The following CYP2R1 variants were observed in gnomAD, a reference collection of about 807,000 sequenced individuals.
The protein encoded by CYP2R1 is vitamin D 25-hydroxylase.
In CYP2R1, 40 loss-of-function variants were observed where a neutral mutation model predicts 45.7. The ratio of observed to expected loss-of-function variants is 0.87; its 90% CI spans 0.68 to 1.14. The LOEUF is 1.14. Ranked by LOEUF, CYP2R1 falls within the 50% of genes most tolerant of loss-of-function variation. The probability of loss-of-function intolerance (pLI) is 0.00; values close to 1 mark genes in which losing one functional copy is unlikely to be tolerated. For missense variants in CYP2R1, 605 were observed against 602.6 expected, an observed-to-expected ratio of 1.00 and a Z score of -0.04; for synonymous variants, 234 against 219.3, an observed-to-expected ratio of 1.07 and a Z score of -0.59.
intron 1 of CYP2R1, chr11:14,891,595 G>C (rs1848858051): frequency 9.4e-7 from 1 of 1,058,788 alleles, no homozygotes; most frequent in East Asian, 9.1e-5. Flanking sequence ...AGCTTCCACA[G>C]AGCTGCGAGG....
intron 2 of CYP2R1, among the ~76,000 whole-genome samples, 187 bp downstream of exon 2, chr11:14,885,589 A>G (rs1848583014): frequency 6.6e-6 from 1 of 152,214 alleles, no homozygotes; most frequent in African/African-American, 2.4e-5. Context: ...CAATAGAATT[A>G]GCAATGTACT....
In CYP2R1 at chr11:14,892,143, C is replaced by T; in HGVS notation, c.63G>A (p.Leu21=). 1 of 1,611,412 alleles carries T rather than the reference C, an allele frequency of 6.2e-7. No homozygotes were observed. The highest frequency in any genetic ancestry group is 8.5e-7 in the Non-Finnish European group (1 of 1,179,750). The change falls in exon 1 of 5, where the codon CTG becomes CTA. Residue 21 remains leucine, a synonymous_variant. Coordinates refer to ENST00000334636, the MANE Select transcript of CYP2R1 (RefSeq NM_024514.5). ...GCTGGCGGACCCCTAGCGCGAAGAG[C>T]AGCAGGAAGAGCGCGCCGCCGAGCG... ...AAALGGALFL[L]LFALGVRQLL... is the part of the protein sequence containing the mutation.
intron 2 of CYP2R1, among the ~76,000 whole-genome samples, chr11:14,881,429 C>G (rs1311312604): frequency 6.6e-6 from 1 of 152,092 alleles, no homozygotes; most frequent in Non-Finnish European, 1.5e-5. Context: ...GAAATTTTCT[C>G]CCTTAAATTA....
chr11:14,878,408 G>C (rs1555010508), intron 4 of CYP2R1, 111 bp from the exon 5 acceptor site: 1 of 1,036,392 alleles, frequency 9.6e-7, no homozygotes, highest in Non-Finnish European at 1.4e-6. Flanking sequence ...CAAAGAAAGA[G>C]GGAACTATGT....
chr11:14,880,163 A>G lies in CYP2R1; in HGVS notation c.973T>C (p.Phe325Leu), dbSNP rs782483896. The change falls in exon 3 of 5, where the codon TTC becomes CTC. Residue 325 changes from phenylalanine (F) to leucine (L), a missense_variant. Physicochemically the swap from Phe to Leu is conservative, Grantham distance 22. Transcript: ENST00000334636. ...TGAATATTAGGATAAAGGGCCATGA[A>G]AAGAATCGCCCACCGTAGCACATTG... ...TTNVLRWAIL[F>L]MALYPNIQGQ... is the part of the protein sequence containing the mutation. 1 of 1,612,786 alleles carries G rather than the reference A, an allele frequency of 6.2e-7. No homozygotes were observed. The highest frequency in any genetic ancestry group is 1.1e-5 in the South Asian group (1 of 91,044).
At chr11:14,884,960 G>T (rs1555013894) in intron 2 of CYP2R1, among the ~76,000 whole-genome samples, 2 of 151,642 alleles carry the variant, frequency 1.3e-5, no homozygotes, top group African/African-American at 4.8e-5. Flanking sequence ...TTATACTCTG[G>T]CCTGAGAATT....
chr11:14,881,705 T>C (rs1555012372), intron 2 of CYP2R1, among the ~76,000 whole-genome samples: 1 of 152,100 alleles, frequency 6.6e-6, no homozygotes. Flanking sequence ...CCCTACTTGC[T>C]CTGTTGCTAC....
At chr11:14,891,594 A>G in intron 1 of CYP2R1, 1 of 1,049,820 alleles carries the variant, frequency 9.5e-7, no homozygotes, top group East Asian at 9.3e-5. Flanking sequence ...CAGCTTCCAC[A>G]GAGCTGCGAG....
At chr11:14,886,205 T>C (rs1298707808) in intron 1 of CYP2R1, 22 of 396,120 alleles carry the variant, frequency 5.6e-5, no homozygotes, top group Non-Finnish European at 9.4e-5. Context: ...GGTTTGCCAT[T>C]AAACAGATAA....
chr11:14,888,739 G>A (rs1848713543), intron 1 of CYP2R1, among the ~76,000 whole-genome samples: 1 of 152,060 alleles, frequency 6.6e-6, no homozygotes, highest in Non-Finnish European at 1.5e-5. Context: ...TTTCATCTTT[G>A]AATCCTTACA....
chr11:14,880,230 G>A lies in CYP2R1; in HGVS notation c.906C>T (p.Phe302=), dbSNP rs1555011518. The change falls in exon 3 of 5, where the codon TTC becomes TTT. Residue 302 remains phenylalanine, a synonymous_variant. Coordinates refer to ENST00000334636, the MANE Select transcript of CYP2R1 (RefSeq NM_024514.5). Reference sequence around the variant, plus strand: ...CAGCAATGATGAGTTCACCCACTGAGAAAATTAGGTTTTCTTTGGAGAAAG... The same window carrying A: ...CAGCAATGATGAGTTCACCCACTGAAAAAATTAGGTTTTCTTTGGAGAAAG... ...SSTFSKENLI[F]SVGELIIAGT... is the part of the protein sequence containing the mutation. 3.1e-6 allele frequency: 5 copies of A among 1,612,946 alleles called. No homozygotes were observed. The South Asian group carries it at 5.5e-5, about 18-fold the overall frequency.
chr11:14,881,961 G>A (rs1020652876), intron 2 of CYP2R1, among the ~76,000 whole-genome samples: 1 of 152,036 alleles, frequency 6.6e-6, no homozygotes, highest in Admixed American at 6.6e-5. Flanking sequence ...TTGTGTACAT[G>A]AGGTACACAC....
At chr11:14,886,147 A>G (rs1848613603) in intron 1 of CYP2R1, 1 of 536,350 alleles carries the variant, frequency 1.9e-6, no homozygotes. Context: ...TCTTACCAAC[A>G]GTATAATGAA....
At chr11:14,891,485 C>T in intron 1 of CYP2R1, 5 of 987,154 alleles carry the variant, frequency 5.1e-6, no homozygotes, top group Non-Finnish European at 6.0e-6. Context: ...ATTCTCACAG[C>T]AAACGCCTAC....
intron 1 of CYP2R1, chr11:14,890,847 C>A (rs920129769): frequency 5.1e-6 from 5 of 985,116 alleles, no homozygotes; most frequent in South Asian, 9.4e-5. Flanking sequence ...CGCGCCCGGG[C>A]ACCTAGACCA....
At chr11:14,884,537 T>A (rs1328198917) in intron 2 of CYP2R1, among the ~76,000 whole-genome samples, 3 of 62,768 alleles carry the variant, frequency 4.8e-5, no homozygotes, top group African/African-American at 1.3e-4. Context: ...TGTTGTGGGG[T>A]GGGGGGAGGG....
In CYP2R1 at chr11:14,880,463, A is replaced by C; in HGVS notation, c.673T>G (p.Ser225Ala). 1 of 1,613,492 alleles carries C rather than the reference A, an allele frequency of 6.2e-7. No individual in the cohort carries two copies. The highest frequency in any genetic ancestry group is 8.5e-7 in the Non-Finnish European group (1 of 1,179,706). ...GGAAAGGCATTATACAAGAAGACTGAGGCACTGGCAGCTAGTTCCACATTT... is the reference window on the plus strand; with the variant it reads ...GGAAAGGCATTATACAAGAAGACTGCGGCACTGGCAGCTAGTTCCACATTT... ...SENVELAASASVFLYNAFPWI... is the reference protein window; with the variant it reads ...SENVELAASAAVFLYNAFPWI... The change falls in exon 3 of 5, where the codon TCA (serine) becomes GCA (alanine). Residue 225 changes from serine (S) to alanine (A), a missense_variant. By Grantham distance (99) the Ser-to-Ala change is moderately conservative. Coordinates refer to ENST00000334636, the MANE Select transcript of CYP2R1 (RefSeq NM_024514.5).
At chr11:14,891,575 AGCC>A (rs1457612611) in intron 1 of CYP2R1, 1 of 1,031,936 alleles carries the variant, frequency 9.7e-7, no homozygotes, top group Non-Finnish European at 1.2e-6. Context: ...TTTTCCGACA[AGCC>A]GCGTGCAGCT....
At chr11:14,889,305 A>T (rs1475900833) in intron 1 of CYP2R1, among the ~76,000 whole-genome samples, 2 of 152,232 alleles carry the variant, frequency 1.3e-5, no homozygotes, top group Non-Finnish European at 2.9e-5. Flanking sequence ...CTCCAAAAAA[A>T]GGTATAGTAT....
Sources: allele counts gnomAD v4.1 joint callset (sites outside exome capture counted in the v4.1 genomes callset), GRCh38; gene constraint gnomAD v4.1.1; transcripts MANE v1.5; gene names NCBI Gene and HGNC (gene_info 2026-07-23, HGNC 2026-07-21).